Variants in KIRREL3 observed in about 807,000 individuals in gnomAD.
The protein encoded by KIRREL3 is kirre like nephrin family adhesion molecule 3.
KIRREL3 carries 36 observed loss-of-function variants against 89.7 expected under a neutral mutation model. The observed-to-expected ratio is 0.40, with a 90% CI of 0.31 to 0.53. The LOEUF is 0.53. Ranked by LOEUF, KIRREL3 falls within the 20% of genes least tolerant of loss-of-function variation. The pLI, the probability that KIRREL3 is intolerant of heterozygous loss-of-function variation, is 0.49. For synonymous variants in KIRREL3, 445 were observed against 441.4 expected (o/e 1.01, Z -0.10); for missense variants, 864 against 1,056.6 (o/e 0.82, Z 2.53).
At chr11:126,825,350 A>G (rs572455932) in intron 1 of KIRREL3, among the ~76,000 whole-genome samples, 5 of 152,354 alleles carry the variant, frequency 3.3e-5, no homozygotes, top group African/African-American at 1.2e-4. Context: ...AATACCTAGG[A>G]TTACAAAAGC....
chr11:126,572,635 A>G (rs1398814730), intron 1 of KIRREL3, among the ~76,000 whole-genome samples: 1 of 151,976 alleles, frequency 6.6e-6, no homozygotes, highest in African/African-American at 2.4e-5. Context: ...GGTGGTCAGG[A>G]GCACTGAGAA....
rs558045983 is a variant in KIRREL3 at position 126,867,166 on chromosome 11, C to T, written c.55+133289G>A. Among the ~76,000 whole-genome samples the T allele has an allele frequency of 6.6e-6, 1 of 152,366 alleles. No individual in the cohort carries two copies. The highest frequency in any genetic ancestry group is 1.9e-4 in the East Asian group (1 of 5,190). On this transcript the variant is annotated intron_variant, in intron 1 of 16. Coordinates refer to ENST00000525144, the MANE Select transcript of KIRREL3 (RefSeq NM_032531.4). The surrounding 1 kb of genome is among the most constrained non-coding windows in gnomAD (Gnocchi z 4.7). ...CCCAAAAAACGTTCCCCACAATCTGCCTGTCTGCCTGCTCCCCCCAGGGGT... is the reference window on the plus strand; with the variant it reads ...CCCAAAAAACGTTCCCCACAATCTGTCTGTCTGCCTGCTCCCCCCAGGGGT...
At chr11:126,598,766 T>A (rs1389641953) in intron 1 of KIRREL3, among the ~76,000 whole-genome samples, 2 of 152,230 alleles carry the variant, frequency 1.3e-5, no homozygotes, top group African/African-American at 4.8e-5. Context: ...CCTGAGGGAC[T>A]TTGGGCAAGT....
At position 126,424,532 on chromosome 11, in the gene KIRREL3, G is replaced by A. The variant is rs532764140; in HGVS notation, c.*48C>T. ...CCCCTCGTCCCTGGACAACCAGAAC[G>A]TGCCCTGACCTCTTCCCTGGCCCGT... On this transcript the variant is annotated 3_prime_UTR_variant, in exon 17 of 17. Transcript: ENST00000525144. The A allele has an allele frequency of 1.0e-5, 16 of 1,578,480 alleles. No individual in the cohort carries two copies. The highest frequency in any genetic ancestry group is 8.5e-5 in the Admixed American group (5 of 58,638).
chr11:126,446,919 G>A (rs1218376384), intron 8 of KIRREL3, 33 bp from the exon 9 acceptor site: 1 of 1,596,686 alleles, frequency 6.3e-7, no homozygotes, highest in African/African-American at 1.3e-5. Context: ...ACAGGTTCAG[G>A]TGGGTGGGGA....
chr11:126,790,111 T>C (rs187373937), intron 1 of KIRREL3, among the ~76,000 whole-genome samples: 43 of 152,348 alleles, frequency 2.8e-4, no homozygotes, highest in Middle Eastern at 3.4e-3. Flanking sequence ...AACCTGAGTG[T>C]CATCCCTAAC....
chr11:126,602,601 G>A (rs576788593), intron 1 of KIRREL3, among the ~76,000 whole-genome samples: 6 of 152,244 alleles, frequency 3.9e-5, no homozygotes, highest in African/African-American at 1.2e-4. Context: ...TGGCTTGAAC[G>A]CCTCTGATCT....
rs1311213468 is a variant in KIRREL3, at chr11:126,853,511, C to T, written c.55+146944G>A. On this transcript the variant is annotated intron_variant, in intron 1 of 16. Coordinates refer to ENST00000525144, the MANE Select transcript of KIRREL3 (RefSeq NM_032531.4). The stretch of plus-strand genomic sequence containing the variant: ...AATATGCTTTTCATGAGTTTAGTTT[C>T]TCAAATGTTATTTTTATCATTTTGT... Among the ~76,000 whole-genome samples, 4 of 152,096 alleles carry T rather than the reference C, an allele frequency of 2.6e-5. No homozygotes were observed. The South Asian group carries it at 6.2e-4, about 24-fold the overall frequency.
chr11:126,749,966 G>A (rs1841104923), intron 1 of KIRREL3, among the ~76,000 whole-genome samples: 2 of 152,132 alleles, frequency 1.3e-5, no homozygotes, highest in South Asian at 4.1e-4. Context: ...TGGGTTTTCA[G>A]GTCTGCTCAT....
At chr11:126,591,913 G>A (rs12797609) in intron 1 of KIRREL3, among the ~76,000 whole-genome samples, 13,579 of 152,180 alleles carry the variant, frequency 0.089, 722 homozygotes, top group Non-Finnish European at 0.13. Flanking sequence ...CTGCCTTTGG[G>A]CCCTCTCACC....
At position 126,763,800 on chromosome 11, in the gene KIRREL3, C is replaced by T. The variant is rs570521543; in HGVS notation, c.56-200888G>A. ...CAAAGCACTTGACACACAGTAGGCA[C>T]TGAGTAAATTCTAGCTTCCCTGGTG... On this transcript the variant is annotated intron_variant, in intron 1 of 16. Coordinates refer to ENST00000525144, the MANE Select transcript of KIRREL3 (RefSeq NM_032531.4). The surrounding 1 kb of genome is among the most constrained non-coding windows in gnomAD (Gnocchi z 4.7). Among the ~76,000 whole-genome samples the T allele has an allele frequency of 6.6e-6, 1 of 152,300 alleles. No individual in the cohort carries two copies. The highest frequency in any genetic ancestry group is 2.4e-5 in the African/African-American group (1 of 41,562).
At position 126,766,099 on chromosome 11, in the gene KIRREL3, G is replaced by A. The variant is rs1949815249; in HGVS notation, c.56-203187C>T. ...CTGCTTTTGCCAGCCCTCCTGGGAT[G>A]GTATCTAGTATCGTTTCATCGCTAA... On this transcript the variant is annotated intron_variant, in intron 1 of 16. Coordinates refer to ENST00000525144, the MANE Select transcript of KIRREL3 (RefSeq NM_032531.4). This position sits in a 1 kb window ranked among gnomAD's most constrained non-coding sequence, Gnocchi z 4.2. Among the ~76,000 whole-genome samples the A allele has an allele frequency of 6.6e-6, 1 of 151,924 alleles. No individual in the cohort carries two copies.
At chr11:126,758,068 C>T (rs1192659982) in intron 1 of KIRREL3, among the ~76,000 whole-genome samples, 2 of 152,204 alleles carry the variant, frequency 1.3e-5, no homozygotes, top group Non-Finnish European at 2.9e-5. Context: ...CTTCCAGTGT[C>T]GCCATGTAGG....
intron 13 of KIRREL3, 40 bp downstream of exon 13, chr11:126,435,228 C>G (rs768782056): frequency 5.0e-6 from 8 of 1,609,264 alleles, no homozygotes; most frequent in South Asian, 4.4e-5. Context: ...GAAGTCCCTT[C>G]CCCCCTTCCC....
intron 1 of KIRREL3, among the ~76,000 whole-genome samples, chr11:126,809,283 C>G (rs577700383): frequency 1.3e-5 from 2 of 152,264 alleles, no homozygotes; most frequent in South Asian, 4.1e-4. Flanking sequence ...CCTCCGTGCT[C>G]TAGGAGGTGC....
At chr11:126,626,876 C>T (rs1649096) in intron 1 of KIRREL3, among the ~76,000 whole-genome samples, 3 of 151,984 alleles carry the variant, frequency 2.0e-5, no homozygotes, top group African/African-American at 7.2e-5. Context: ...GGCGTGGTGG[C>T]GCATGCCTGT....
chr11:126,435,241 G>A (rs1955278861), intron 13 of KIRREL3, 27 bp downstream of exon 13: 3 of 1,613,106 alleles, frequency 1.9e-6, no homozygotes, highest in East Asian at 4.5e-5. Context: ...CCCTTCCCAG[G>A]GCCATTCTCA....
In KIRREL3 at chr11:126,664,372, G is replaced by A. The variant is rs1424271483; in HGVS notation, c.56-101460C>T. 6.6e-6 allele frequency among the ~76,000 whole-genome samples: 1 copy of A among 152,062 alleles called. No individual in the cohort carries two copies. The highest frequency in any genetic ancestry group is 6.6e-5 in the Admixed American group (1 of 15,266). ...AGGGCAAGAGTAAGAGAGCAGGCAC[G>A]CAGAGGCAGAGAGTGAAGTCTAGTG... On this transcript the variant is annotated intron_variant, in intron 1 of 16. Coordinates refer to ENST00000525144, the MANE Select transcript of KIRREL3 (RefSeq NM_032531.4). This position sits in a 1 kb window ranked among gnomAD's most constrained non-coding sequence, Gnocchi z 5.4.
intron 1 of KIRREL3, among the ~76,000 whole-genome samples, chr11:126,794,094 T>G (rs777740667): frequency 1.3e-5 from 2 of 152,216 alleles, no homozygotes; most frequent in Non-Finnish European, 2.9e-5. Context: ...TCTTACGTTA[T>G]TTAAAAATAC....
Sources: allele counts gnomAD v4.1 joint callset (sites outside exome capture counted in the v4.1 genomes callset), GRCh38; gene constraint gnomAD v4.1.1; non-coding constraint Gnocchi (gnomAD v3.1); transcripts MANE v1.5; gene names NCBI Gene and HGNC (gene_info 2026-07-23, HGNC 2026-07-21).